The following LARGE1 variants were observed in gnomAD, a reference collection of about 807,000 sequenced individuals.
The protein encoded by LARGE1 is LARGE xylosyl- and glucuronyltransferase 1, also known as xylosyl- and glucuronyltransferase LARGE1.
Under a neutral mutation model 87.6 loss-of-function variants are expected in LARGE1, and 43 were observed. That is an observed-to-expected ratio of 0.49 (90% CI 0.38 to 0.63). The LOEUF (loss-of-function observed/expected upper bound fraction) is 0.63. Ranked by LOEUF, LARGE1 falls within the 30% of genes least tolerant of loss-of-function variation. LARGE1 has a pLI of 0.00. For synonymous variants in LARGE1, 434 were observed against 394.6 expected, an observed-to-expected ratio of 1.10 and a Z score of -1.18; for missense variants, 802 against 1,000.2, an observed-to-expected ratio of 0.80 and a Z score of 2.67.
At chr22:33,755,492 G>A (rs976952862) in intron 2 of LARGE1, among the ~76,000 whole-genome samples, 3 of 152,080 alleles carry the variant, frequency 2.0e-5, no homozygotes, top group South Asian at 2.1e-4. Context: ...TCTAATAGCC[G>A]AACACATCTC....
chr22:33,619,154 A>G (rs1347321258), intron 4 of LARGE1, among the ~76,000 whole-genome samples: 1 of 152,214 alleles, frequency 6.6e-6, no homozygotes, highest in East Asian at 1.9e-4. Context: ...GTCACGAGAC[A>G]AGAACCCAGA....
chr22:33,792,077 T>C (rs1418465940), intron 1 of LARGE1, among the ~76,000 whole-genome samples: 2 of 152,134 alleles, frequency 1.3e-5, no homozygotes, highest in Non-Finnish European at 2.9e-5. Context: ...GCAGAACCAG[T>C]GTTCAGACTC....
chr22:33,103,209 G>A, the LARGE1 span, among the ~76,000 whole-genome samples: 27 of 152,046 alleles, frequency 1.8e-4, no homozygotes, highest in African/African-American at 4.6e-4. Flanking sequence ...CGAGACGGGC[G>A]GATCCCGAGG....
the LARGE1 span, among the ~76,000 whole-genome samples, chr22:33,069,231 A>G: frequency 3.9e-5 from 6 of 152,118 alleles, no homozygotes; most frequent in Admixed American, 2.0e-4. Context: ...TCACTTCCAT[A>G]ATGAAGGCAA....
chr22:33,629,229 T>C (rs952636192), intron 3 of LARGE1, among the ~76,000 whole-genome samples: 1 of 152,134 alleles, frequency 6.6e-6, no homozygotes, highest in South Asian at 2.1e-4. Context: ...GGAAAACGCC[T>C]GCACATGGAA....
intron 7 of LARGE1, among the ~76,000 whole-genome samples, chr22:33,401,949 C>G (rs2065939298): frequency 7.2e-5 from 11 of 152,220 alleles, no homozygotes; most frequent in Admixed American, 7.2e-4. Flanking sequence ...GCATCCCTTG[C>G]TGATGCCTTC....
intron 1 of LARGE1, among the ~76,000 whole-genome samples, chr22:33,855,687 A>C (rs1016166701): frequency 5.9e-5 from 9 of 152,200 alleles, no homozygotes; most frequent in African/African-American, 1.9e-4. Context: ...CCACAGATTA[A>C]CACCAGTATC....
At position 33,855,113 on chromosome 22, in the gene LARGE1, T is replaced by C. The variant is rs191043137; in HGVS notation, c.-83+64882A>G. On this transcript the variant is annotated intron_variant, in intron 1 of 14. Coordinates refer to ENST00000397394, the MANE Select transcript of LARGE1 (RefSeq NM_133642.5). ...ACTTTGGGAGGCCGAGAAGGGCGGA[T>C]TATGAGGTCAGGAGACCGAGACCAT... 3.3e-5 allele frequency among the ~76,000 whole-genome samples: 5 copies of C among 152,102 alleles called. No homozygotes were observed. In the East Asian group the frequency reaches 9.7e-4, roughly 29 times the overall value.
chr22:33,802,070 C>T (rs2086178729), intron 1 of LARGE1, among the ~76,000 whole-genome samples: 2 of 150,760 alleles, frequency 1.3e-5, no homozygotes, highest in African/African-American at 2.4e-5. Context: ...ATCACATGTG[C>T]AAAGGAATGA....
At position 33,172,213 on chromosome 22, in the gene LARGE1, G is replaced by T. The variant is rs201262042; in HGVS notation, c.1731-5381C>A. Among the ~76,000 whole-genome samples the T allele has an allele frequency of 3.9e-5, 6 of 152,230 alleles. No homozygotes were observed. In the East Asian group the frequency reaches 1.2e-3, roughly 29 times the overall value. On this transcript the variant is annotated intron_variant, in intron 11 of 11. Coordinates refer to the LARGE1 transcript ENST00000608642. ...ATTTACCAATGCCTGTACCCCCATT[G>T]TATCTTGGAAGTAACTAACTTGCTT... is the stretch of plus-strand genomic sequence containing the variant.
At chr22:33,333,905 G>T (rs1938070263) in intron 10 of LARGE1, among the ~76,000 whole-genome samples, 1 of 151,818 alleles carries the variant, frequency 6.6e-6, no homozygotes, top group Non-Finnish European at 1.5e-5. Flanking sequence ...GATCACCTGA[G>T]GTCAGGAGTT....
chr22:33,831,100 CTTTTTT>C lies in LARGE1; in HGVS notation c.-82-69548_-82-69543del, dbSNP rs5845117. ...AGCAGATATTATTTTTTTCTTTTTT[CTTTTTT>C]TTTTTTTTTGAGACGGAGTCTCGCT... On this transcript the variant is annotated intron_variant, in intron 1 of 14. Transcript: ENST00000397394. Among the ~76,000 whole-genome samples, 389 of 137,200 alleles carry C rather than the reference CTTTTTT, an allele frequency of 2.8e-3. 5 individuals carry two copies. The highest frequency in any genetic ancestry group is 9.9e-3 in the African/African-American group (363 of 36,644). The allele number at this position is 137,200 out of a possible 152,430, so 90.0% of individuals were successfully genotyped here.
intron 11 of LARGE1, among the ~76,000 whole-genome samples, chr22:33,241,327 G>T (rs1926502943): frequency 6.6e-6 from 1 of 151,986 alleles, no homozygotes; most frequent in Admixed American, 6.6e-5. Context: ...ATTCTTCAAG[G>T]CTGGTTGAGT....
intron 9 of LARGE1, among the ~76,000 whole-genome samples, chr22:33,338,335 T>C (rs79743146): frequency 0.027 from 4,166 of 152,218 alleles, 191 homozygotes; most frequent in African/African-American, 0.096. Flanking sequence ...ACATCCATTC[T>C]GCAGTTTTTC....
chr22:33,157,978 C>A (rs1335894547), downstream of LARGE1, among the ~76,000 whole-genome samples: 1 of 151,738 alleles, frequency 6.6e-6, no homozygotes, highest in African/African-American at 2.4e-5. Flanking sequence ...TGAAGAATAC[C>A]AAAAATAGTA....
chr22:33,306,790 C>A (rs970802877), intron 11 of LARGE1, among the ~76,000 whole-genome samples: 7 of 150,376 alleles, frequency 4.7e-5, no homozygotes, highest in African/African-American at 1.7e-4. Context: ...AGAAGAATCG[C>A]TTGAACCCAG....
rs185522647 is a variant in LARGE1, at chr22:33,734,803, C to T, written c.106+26568G>A. Reference sequence around the variant, plus strand: ...TTTAAACTGGGAGAGTCGGTGGTCACGCCCCTTCAGAGTAAGGGGTTCAGA... The same window carrying T: ...TTTAAACTGGGAGAGTCGGTGGTCATGCCCCTTCAGAGTAAGGGGTTCAGA... On this transcript the variant is annotated intron_variant, in intron 2 of 14. Coordinates refer to ENST00000397394, the MANE Select transcript of LARGE1 (RefSeq NM_133642.5). 1.4e-3 allele frequency among the ~76,000 whole-genome samples: 215 copies of T among 152,046 alleles called. 1 individual carries two copies. The highest frequency in any genetic ancestry group is 2.2e-3 in the Non-Finnish European group (149 of 67,944).
At chr22:33,569,273 C>T (rs538405034) in intron 5 of LARGE1, among the ~76,000 whole-genome samples, 1 of 152,334 alleles carries the variant, frequency 6.6e-6, no homozygotes, top group South Asian at 2.1e-4. Flanking sequence ...TGGGTGAAGA[C>T]TGAACACGAG....
intron 5 of LARGE1, among the ~76,000 whole-genome samples, chr22:33,595,952 C>A (rs907905250): frequency 1.3e-5 from 2 of 152,094 alleles, no homozygotes. Context: ...AGGCATAAGG[C>A]GAATATTTCT....
Sources: gnomAD v4.1 joint callset for allele counts (sites outside exome capture counted in the v4.1 genomes callset) on GRCh38, gnomAD v4.1.1 for gene constraint, MANE v1.5 for transcripts, NCBI Gene and HGNC (gene_info 2026-07-23, HGNC 2026-07-21) for gene names.